The following PDE4D variants were observed in gnomAD, a reference collection of about 807,000 sequenced individuals.
PDE4D encodes the protein phosphodiesterase 4D.
Under a neutral mutation model 87.4 loss-of-function variants are expected in PDE4D, and 24 were observed. The ratio of observed to expected loss-of-function variants is 0.27; its 90% CI spans 0.20 to 0.39. PDE4D has a LOEUF of 0.39. Among genes scored for constraint, PDE4D ranks in the 10% least tolerant of loss-of-function variants. The probability of loss-of-function intolerance (pLI) is 1.00; values close to 1 mark genes in which losing one functional copy is unlikely to be tolerated. For missense variants in PDE4D, 714 were observed against 1,041.0 expected (o/e 0.69, Z 4.32); for synonymous variants, 384 against 383.2 (o/e 1.00, Z -0.02).
chr5:59,635,111 T>C (rs1268984945), intron 1 of PDE4D, among the ~76,000 whole-genome samples: 2 of 152,056 alleles, frequency 1.3e-5, no homozygotes, highest in East Asian at 3.9e-4. Context: ...TATAAACACC[T>C]CTACACAAAT....
At chr5:59,053,645 G>GTTTTTTTTTTTTTTTTTTTTTTT (rs1338731940) in intron 5 of PDE4D, among the ~76,000 whole-genome samples, 1 of 68,794 alleles carries the variant, frequency 1.5e-5, no homozygotes, top group East Asian at 6.2e-4. Context: ...TTTGTTTTTT[G>GTTTTTTTTTTTTTTTTTTTTTTT]TTTTTTTTTG....
chr5:59,148,929 C>T (rs1054395955), intron 5 of PDE4D, among the ~76,000 whole-genome samples: 10 of 152,026 alleles, frequency 6.6e-5, no homozygotes, highest in African/African-American at 1.2e-4. Context: ...GAAAAGCTGA[C>T]GGACATTAGG....
chr5:59,235,106 T>C (rs1450424852), intron 1 of PDE4D, among the ~76,000 whole-genome samples: 2 of 152,196 alleles, frequency 1.3e-5, no homozygotes, highest in Admixed American at 6.5e-5. Context: ...AGAGCTGTCC[T>C]TTAAATTTGC....
chr5:59,046,238 G>A (rs1438481461), intron 5 of PDE4D, among the ~76,000 whole-genome samples: 1 of 152,200 alleles, frequency 6.6e-6, no homozygotes, highest in African/African-American at 2.4e-5. Context: ...CAGGAAAGGG[G>A]AGGAATATGC....
intron 2 of PDE4D, among the ~76,000 whole-genome samples, chr5:60,039,779 T>C (rs1040154001): frequency 2.0e-5 from 3 of 152,114 alleles, no homozygotes; most frequent in South Asian, 2.1e-4. Context: ...ATAGATGTCC[T>C]TTCCTCAGTG....
intron 8 of PDE4D, among the ~76,000 whole-genome samples, chr5:58,991,241 C>A (rs1333179754): frequency 6.6e-6 from 1 of 152,168 alleles, no homozygotes; most frequent in Non-Finnish European, 1.5e-5. Flanking sequence ...AAGATCGCGC[C>A]ACTGCATTCT....
intron 2 of PDE4D, among the ~76,000 whole-genome samples, chr5:60,054,529 C>T (rs1030826485): frequency 3.3e-5 from 5 of 151,902 alleles, no homozygotes; most frequent in Admixed American, 1.3e-4. Flanking sequence ...CAGGGCCTGT[C>T]GGTGGGTGGA....
chr5:60,484,502 T>A (rs1748981618), intron 1 of PDE4D, among the ~76,000 whole-genome samples: 1 of 152,206 alleles, frequency 6.6e-6, no homozygotes. Context: ...AATATACTGA[T>A]AATTGTTGCA....
intron 1 of PDE4D, among the ~76,000 whole-genome samples, chr5:59,404,774 T>C (rs991155887): frequency 6.6e-6 from 1 of 152,204 alleles, no homozygotes; most frequent in Non-Finnish European, 1.5e-5. Flanking sequence ...CTTTATTCCA[T>C]TTTGATTTGA....
At chr5:59,390,658 C>T (rs1188017133) in intron 1 of PDE4D, among the ~76,000 whole-genome samples, 2 of 152,056 alleles carry the variant, frequency 1.3e-5, no homozygotes, top group Admixed American at 6.6e-5. Context: ...GAGAAGACAT[C>T]GGTTCAGTTA....
intron 1 of PDE4D, among the ~76,000 whole-genome samples, chr5:60,314,430 G>C (rs970681806): frequency 6.6e-6 from 1 of 152,074 alleles, no homozygotes; most frequent in Non-Finnish European, 1.5e-5. Context: ...GCCTCCCAAA[G>C]TGCTGGGATT....
chr5:59,843,892 AT>A (rs1394402454), intron 1 of PDE4D, among the ~76,000 whole-genome samples: 4 of 152,084 alleles, frequency 2.6e-5, no homozygotes, highest in Non-Finnish European at 5.9e-5. Flanking sequence ...GCTCCCCTCA[AT>A]TTTTAGATAT....
intron 1 of PDE4D, among the ~76,000 whole-genome samples, chr5:59,846,362 C>T (rs552623644): frequency 1.3e-5 from 2 of 152,126 alleles, no homozygotes; most frequent in East Asian, 3.9e-4. Context: ...GCTGTCAGAT[C>T]GGAGAAGAAT....
intron 2 of PDE4D, among the ~76,000 whole-genome samples, chr5:60,035,108 T>C (rs941761194): frequency 4.0e-5 from 6 of 151,848 alleles, no homozygotes; most frequent in Admixed American, 3.9e-4. Flanking sequence ...ATACAAAAAT[T>C]AGCCGGGCAT....
intron 2 of PDE4D, among the ~76,000 whole-genome samples, chr5:59,210,292 A>T (rs1749793588): frequency 6.6e-6 from 1 of 152,224 alleles, no homozygotes; most frequent in Admixed American, 6.5e-5. Context: ...GAAGATTAAT[A>T]ATCTGGAATA....
intron 3 of PDE4D, among the ~76,000 whole-genome samples, chr5:59,910,506 G>C (rs1410476693): frequency 6.6e-6 from 1 of 152,106 alleles, no homozygotes; most frequent in East Asian, 1.9e-4. Flanking sequence ...TCCCAAACCA[G>C]ACAAAATGCA....
chr5:58,999,270 AACT>A (rs1749918749), intron 6 of PDE4D, among the ~76,000 whole-genome samples: 1 of 151,006 alleles, frequency 6.6e-6, no homozygotes, highest in Non-Finnish European at 1.5e-5. Flanking sequence ...CAAACAGAAG[AACT>A]ACTGCGTATC....
At chr5:59,903,811 C>T (rs1006390189) in intron 3 of PDE4D, among the ~76,000 whole-genome samples, 2 of 152,136 alleles carry the variant, frequency 1.3e-5, no homozygotes, top group African/African-American at 4.8e-5. Context: ...TCCCTGCCTG[C>T]CTCTCTGCAG....
At chr5:59,223,675 C>T (rs1753055572) in intron 1 of PDE4D, among the ~76,000 whole-genome samples, 1 of 152,122 alleles carries the variant, frequency 6.6e-6, no homozygotes, top group African/African-American at 2.4e-5. Context: ...AATAGCTTCT[C>T]TGAAGTAAAC....
Sources: allele counts gnomAD v4.1 joint callset (sites outside exome capture counted in the v4.1 genomes callset), GRCh38; gene constraint gnomAD v4.1.1; transcripts MANE v1.5; gene names NCBI Gene and HGNC (gene_info 2026-07-23, HGNC 2026-07-21).